CRACR2A: variants seen among roughly 807,000 people sequenced by gnomAD.
CRACR2A encodes EF-hand calcium-binding domain-containing protein 4B.
A neutral mutation model predicts 90.5 loss-of-function variants in CRACR2A; 79 were observed. That is an observed-to-expected ratio of 0.87 (90% CI 0.73 to 1.05). The LOEUF is 1.05. Among genes scored for constraint, CRACR2A ranks in the 50% least tolerant of loss-of-function variants. The pLI is 0.00. For missense variants in CRACR2A, 823 were observed against 897.2 expected (o/e 0.92, Z 1.06); for synonymous variants, 338 against 356.7 (o/e 0.95, Z 0.59).
intron 8 of CRACR2A, among the ~76,000 whole-genome samples, chr12:3,656,849 T>C (rs1490386360): frequency 2.0e-5 from 3 of 152,192 alleles, no homozygotes; most frequent in East Asian, 1.9e-4. Flanking sequence ...AGGTTGGGCA[T>C]TGGCATCGGA....
intron 3 of CRACR2A, among the ~76,000 whole-genome samples, chr12:3,708,582 G>A (rs1011877968): frequency 2.0e-5 from 3 of 152,076 alleles, no homozygotes; most frequent in Admixed American, 6.5e-5. Flanking sequence ...CCGCCACCAC[G>A]CCCGGCTAAT....
intron 1 of CRACR2A, 115 bp downstream of exon 1, chr12:3,752,900 C>G (rs1946731252): frequency 6.6e-6 from 1 of 152,344 alleles, no homozygotes; most frequent in Non-Finnish European, 1.5e-5. Context: ...TCCAGGCCCT[C>G]TGCGAGTTCC....
intron 9 of CRACR2A, 109 bp from the exon 10 acceptor site, chr12:3,654,508 G>GCCACC: frequency 9.3e-7 from 1 of 1,075,018 alleles, no homozygotes; most frequent in Non-Finnish European, 1.3e-6. Context: ...AACCGTCACT[G>GCCACC]CCACCCCTCA....
At chr12:3,699,988 AT>A (rs1424768557) in intron 3 of CRACR2A, among the ~76,000 whole-genome samples, 3 of 152,212 alleles carry the variant, frequency 2.0e-5, no homozygotes, top group African/African-American at 7.2e-5. Context: ...CCCAATTGAA[AT>A]AACCAAAATT....
At chr12:3,642,152 A>G (rs983792092) in intron 12 of CRACR2A, among the ~76,000 whole-genome samples, 1 of 152,158 alleles carries the variant, frequency 6.6e-6, no homozygotes, top group Non-Finnish European at 1.5e-5. Context: ...TGTTTAATGC[A>G]TATTTTCTAT....
chr12:3,627,874 G>A (rs1464676277), intron 15 of CRACR2A, among the ~76,000 whole-genome samples, 168 bp from the exon 16 acceptor site: 2 of 152,158 alleles, frequency 1.3e-5, no homozygotes, highest in African/African-American at 2.4e-5. Flanking sequence ...GCACTGGATG[G>A]GGAGGCATGG....
intron 1 of CRACR2A, 41 bp downstream of exon 1, chr12:3,752,974 G>C (rs1436501768): frequency 6.6e-6 from 1 of 152,358 alleles, no homozygotes; most frequent in African/African-American, 2.4e-5. Context: ...GCCGCCCCCC[G>C]GCCGCCCCGG....
At position 3,656,359 on chromosome 12, in the gene CRACR2A, C is replaced by A. The variant is rs554930387; in HGVS notation, c.810G>T (p.Leu270=). Residue 270 remains leucine (L), a synonymous_variant, in exon 9 of 20, where the codon CTG becomes CTT. Transcript: ENST00000440314. ...QARSQELEQK[L]LCKEQELEQL... is the part of the protein sequence containing the mutation. ...GCTCCAGCTCCTGCTCCTTACATAA[C>A]AGTTTCTGCTCCAGCTCTTGACTGC... 1 of 1,614,166 alleles carries A rather than the reference C, an allele frequency of 6.2e-7. No individual in the cohort carries two copies. The highest frequency in any genetic ancestry group is 1.1e-5 in the South Asian group (1 of 91,080).
chr12:3,722,522 TGTGGAGCGAGGCTGGCA>T, intron 2 of CRACR2A, among the ~76,000 whole-genome samples: 1 of 152,128 alleles, frequency 6.6e-6, no homozygotes, highest in South Asian at 2.1e-4. Context: ...GAGAACGAAG[TGTGGAGCGAGGCTGGCA>T]TCTGGGAGGC....
At chr12:3,654,612 T>C (rs1489694076) in intron 9 of CRACR2A, among the ~76,000 whole-genome samples, 2 of 152,116 alleles carry the variant, frequency 1.3e-5, no homozygotes, top group Non-Finnish European at 2.9e-5. Context: ...ATCTTGTCTC[T>C]CCCCTGTCTC....
At chr12:3,626,868 C>T (rs1944272533) in intron 17 of CRACR2A, among the ~76,000 whole-genome samples, 1 of 152,196 alleles carries the variant, frequency 6.6e-6, no homozygotes, top group African/African-American at 2.4e-5. Context: ...TGCTCTTGGG[C>T]CCTGCCAAGA....
Position 3,619,295 on chromosome 12 carries a change from C to G in CRACR2A, c.2010G>C (p.Arg670=), listed in dbSNP as rs1290136867. The G allele has an allele frequency of 2.2e-5, 34 of 1,551,538 alleles. 1 individual carries two copies. The East Asian group carries it at 8.3e-4, about 38-fold the overall frequency. The change falls in exon 18 of 20, where the codon CGG becomes CGC. Residue 670 remains arginine (R), a synonymous_variant. Transcript: ENST00000440314. ...LDNEKEREVP[R]GLGEQLATEN... The stretch of plus-strand genomic sequence containing the variant: ...CCGTGGCAAGCTGCTCTCCGAGGCC[C>G]CGGGGGACTTCCCGCTCCTTCTCGT...
chr12:3,666,312 C>T (rs1340262526), intron 7 of CRACR2A, among the ~76,000 whole-genome samples: 8 of 143,892 alleles, frequency 5.6e-5, no homozygotes, highest in Admixed American at 5.5e-4. Flanking sequence ...GCAAATGTCC[C>T]TCCCTAAAGG....
chr12:3,731,677 A>G (rs1444595303), intron 2 of CRACR2A: 1 of 152,250 alleles, frequency 6.6e-6, no homozygotes, highest in East Asian at 1.9e-4. Flanking sequence ...TCAGAATGTG[A>G]CCTTCTTTGG....
At chr12:3,697,508 G>T (rs955740762) in intron 3 of CRACR2A, among the ~76,000 whole-genome samples, 1 of 152,130 alleles carries the variant, frequency 6.6e-6, no homozygotes, top group South Asian at 2.1e-4. Flanking sequence ...GAGAGGTTGC[G>T]TGACTTGCCC....
intron 12 of CRACR2A, among the ~76,000 whole-genome samples, chr12:3,643,199 C>T (rs1944604947): frequency 6.6e-6 from 1 of 152,142 alleles, no homozygotes; most frequent in African/African-American, 2.4e-5. Flanking sequence ...AGGTGGGTGG[C>T]AGAGATGTTT....
At chr12:3,696,657 G>A in intron 4 of CRACR2A, 115 bp downstream of exon 4, 1 of 1,444,218 alleles carries the variant, frequency 6.9e-7, no homozygotes, top group Non-Finnish European at 9.4e-7. Context: ...TTCCAAGACA[G>A]AACTGGTGGC....
chr12:3,631,265 CT>C (rs1413216010), intron 15 of CRACR2A, among the ~76,000 whole-genome samples: 1 of 152,164 alleles, frequency 6.6e-6, no homozygotes, highest in African/African-American at 2.4e-5. Flanking sequence ...CATAATTGGC[CT>C]CCTGGGAAGT....
At position 3,710,435 on chromosome 12, in the gene CRACR2A, T is replaced by C. The variant is rs144426269; in HGVS notation, c.-37+2802A>G. Among the ~76,000 whole-genome samples the C allele has an allele frequency of 4.4e-3, 669 of 152,174 alleles. 2 individuals are homozygous for C. The highest frequency in any genetic ancestry group is 0.015 in the African/African-American group (630 of 41,522). ...GAGATCAGGTGCCAGCATGGTTGGG[T>C]TCTGGTGAGGGCCCTCTTCTGAGTT... is the stretch of plus-strand genomic sequence containing the variant. On this transcript the variant is annotated intron_variant, in intron 3 of 19. Coordinates refer to ENST00000440314, the MANE Select transcript of CRACR2A (RefSeq NM_001144958.2).
Sources: gnomAD v4.1 joint callset for allele counts (sites outside exome capture counted in the v4.1 genomes callset) on GRCh38, gnomAD v4.1.1 for gene constraint, MANE v1.5 for transcripts, NCBI Gene and HGNC (gene_info 2026-07-23, HGNC 2026-07-21) for gene names.